Variants in GCH1 observed in about 807,000 individuals in gnomAD.
GCH1 encodes the protein GTP cyclohydrolase I.
Under a neutral mutation model 25.9 loss-of-function variants are expected in GCH1, and 5 were observed. The observed-to-expected ratio is 0.19, with a 90% CI of 0.10 to 0.41. The LOEUF (loss-of-function observed/expected upper bound fraction) is 0.41, where lower values mean the gene tolerates loss of function less well. Among genes scored for constraint, GCH1 ranks in the 10% least tolerant of loss-of-function variants. GCH1 has a pLI of 1.00. For synonymous variants in GCH1, 159 were observed against 129.6 expected (o/e 1.23, Z -1.54); for missense variants, 261 against 336.5 (o/e 0.78, Z 1.75).
At chr14:54,890,672 T>C (rs1398559614) in intron 1 of GCH1, among the ~76,000 whole-genome samples, 2 of 152,250 alleles carry the variant, frequency 1.3e-5, no homozygotes, top group East Asian at 1.9e-4. Context: ...ATAAATCTAA[T>C]TGCCTTGAAA....
intron 1 of GCH1, among the ~76,000 whole-genome samples, chr14:54,868,634 C>T (rs2040022286): frequency 6.6e-6 from 1 of 152,092 alleles, no homozygotes; most frequent in African/African-American, 2.4e-5. Flanking sequence ...CAGAGTCTTG[C>T]TCTGTCGCCC....
intron 1 of GCH1, among the ~76,000 whole-genome samples, chr14:54,889,989 T>G (rs950344855): frequency 5.3e-5 from 8 of 152,202 alleles, no homozygotes; most frequent in African/African-American, 1.7e-4. Flanking sequence ...CAAGTGTTTT[T>G]TGCAAGGAAA....
At chr14:54,866,644 G>A (rs756653772) in intron 1 of GCH1, among the ~76,000 whole-genome samples, 10 of 152,104 alleles carry the variant, frequency 6.6e-5, no homozygotes, top group Non-Finnish European at 1.2e-4. Flanking sequence ...GCAGGCGGCT[G>A]AGTGAGTCAC....
chr14:54,843,114 A>G lies in GCH1; in HGVS notation c.*903T>C, dbSNP rs1594967371. On this transcript the variant is annotated 3_prime_UTR_variant, in exon 6 of 6. Transcript: ENST00000491895. ...AATACTTAGAAAAATATCTTATAAG[A>G]TTAAAAAAAAGAAGAAGAAGAAACA... 6 of 1,492,690 alleles carry G rather than the reference A, an allele frequency of 4.0e-6. No homozygotes were observed. The highest frequency in any genetic ancestry group is 5.5e-6 in the Non-Finnish European group (6 of 1,093,600). 92.5% of individuals were successfully genotyped at this position (1,492,690 alleles called of 1,614,324 possible).
At chr14:54,861,960 T>C (rs2039903290) in intron 2 of GCH1, among the ~76,000 whole-genome samples, 1 of 152,186 alleles carries the variant, frequency 6.6e-6, no homozygotes, top group African/African-American at 2.4e-5. Flanking sequence ...GATTCCTTCA[T>C]TATCAATTGC....
chr14:54,879,511 A>G (rs1221395541), intron 1 of GCH1, among the ~76,000 whole-genome samples: 1 of 151,922 alleles, frequency 6.6e-6, no homozygotes, highest in Non-Finnish European at 1.5e-5. Flanking sequence ...ACAATTACAC[A>G]GTTTGGGTAA....
chr14:54,894,415 G>A (rs924339405), intron 1 of GCH1, among the ~76,000 whole-genome samples: 7 of 152,166 alleles, frequency 4.6e-5, no homozygotes, highest in African/African-American at 1.7e-4. Flanking sequence ...TACAGGTTCT[G>A]GAGTGAGTAT....
At position 54,851,423 on chromosome 14, in the gene GCH1, C is replaced by G. The variant is rs1362007645; in HGVS notation, c.510-4293G>C. Among the ~76,000 whole-genome samples, 90 of 152,262 alleles carry G rather than the reference C, an allele frequency of 5.9e-4. 1 individual carries two copies. Among genetic ancestry groups the G allele is most frequent in the African/African-American group, 2.0e-3 (83 of 41,546 alleles). On this transcript the variant is annotated intron_variant, in intron 3 of 5. Transcript: ENST00000491895. ...TGCACAGCAAAAGAAACTACCATCA[C>G]AGTGAACAGGCAACCTACAGAATGG...
chr14:54,888,100 C>CTACAGGT (rs1388366968), intron 1 of GCH1, among the ~76,000 whole-genome samples: 4 of 152,088 alleles, frequency 2.6e-5, no homozygotes, highest in Non-Finnish European at 4.4e-5. Flanking sequence ...ATCAAAGGAG[C>CTACAGGT]TACAGGTAGG....
intron 1 of GCH1, chr14:54,885,748 G>A (rs1566679766): frequency 9.6e-6 from 2 of 208,664 alleles, no homozygotes; most frequent in Non-Finnish European, 1.9e-5. Flanking sequence ...ACTTAGCTGG[G>A]TGCGGTGGAA....
At chr14:54,850,712 A>G (rs1242583862) in intron 3 of GCH1, among the ~76,000 whole-genome samples, 1 of 152,028 alleles carries the variant, frequency 6.6e-6, no homozygotes, top group Non-Finnish European at 1.5e-5. Flanking sequence ...GTCACCTATG[A>G]GTGAGAACAT....
chr14:54,870,934 C>T (rs1340636425), intron 1 of GCH1, among the ~76,000 whole-genome samples: 1 of 152,188 alleles, frequency 6.6e-6, no homozygotes, highest in Non-Finnish European at 1.5e-5. Flanking sequence ...ACGGCATAGC[C>T]GAACAAAAGG....
At chr14:54,890,506 A>T (rs1184278033) in intron 1 of GCH1, among the ~76,000 whole-genome samples, 1 of 152,228 alleles carries the variant, frequency 6.6e-6, no homozygotes, top group African/African-American at 2.4e-5. Context: ...CTCAAAAAAT[A>T]AATAAATAAC....
At chr14:54,857,765 G>A (rs1417765468) in intron 3 of GCH1, among the ~76,000 whole-genome samples, 1 of 152,228 alleles carries the variant, frequency 6.6e-6, no homozygotes, top group African/African-American at 2.4e-5. Flanking sequence ...TGGGAAGGGA[G>A]TCGTTAATAA....
intron 1 of GCH1, among the ~76,000 whole-genome samples, chr14:54,898,574 C>G (rs1378966182): frequency 6.6e-6 from 1 of 152,088 alleles, no homozygotes; most frequent in Non-Finnish European, 1.5e-5. Flanking sequence ...TATTTTATAT[C>G]CTTGTTCTAT....
intron 2 of GCH1, among the ~76,000 whole-genome samples, chr14:54,863,264 A>G (rs990085562): frequency 1.3e-5 from 2 of 151,622 alleles, no homozygotes; most frequent in East Asian, 1.9e-4. Flanking sequence ...CTAAAAATAC[A>G]ACAACAAAAT....
At chr14:54,876,042 G>A (rs1213864403) in intron 1 of GCH1, among the ~76,000 whole-genome samples, 1 of 152,160 alleles carries the variant, frequency 6.6e-6, no homozygotes, top group East Asian at 1.9e-4. Flanking sequence ...AAAGACACAT[G>A]CACACGTATG....
intron 1 of GCH1, among the ~76,000 whole-genome samples, chr14:54,900,757 G>A (rs2040552926): frequency 6.6e-6 from 1 of 151,858 alleles, no homozygotes; most frequent in Non-Finnish European, 1.5e-5. Flanking sequence ...AAGCCTGGCC[G>A]ATGCTGTGAA....
At chr14:54,874,653 T>C (rs1332065779) in intron 1 of GCH1, among the ~76,000 whole-genome samples, 3 of 152,202 alleles carry the variant, frequency 2.0e-5, no homozygotes, top group Non-Finnish European at 4.4e-5. Flanking sequence ...AGTCTCAGGA[T>C]ACAAAATCAA....
Sources: allele counts gnomAD v4.1 joint callset (sites outside exome capture counted in the v4.1 genomes callset), GRCh38; gene constraint gnomAD v4.1.1; transcripts MANE v1.5; gene names NCBI Gene and HGNC (gene_info 2026-07-23, HGNC 2026-07-21).